GLB1: variants seen among roughly 807,000 people sequenced by gnomAD.
GLB1 encodes beta-galactosidase.
GLB1 carries 56 observed loss-of-function variants against 74.0 expected under a neutral mutation model. The ratio of observed to expected loss-of-function variants is 0.76; its 90% CI spans 0.61 to 0.94. The LOEUF (loss-of-function observed/expected upper bound fraction) is 0.94. Ranked by LOEUF, GLB1 falls within the 40% of genes least tolerant of loss-of-function variation. The pLI is 0.00. For synonymous variants in GLB1, 323 were observed against 323.6 expected (o/e 1.00, Z 0.02); for missense variants, 787 against 845.5 (o/e 0.93, Z 0.86).
At chr3:32,999,331 A>G (rs1696450502) in intron 15 of GLB1, among the ~76,000 whole-genome samples, 1 of 152,152 alleles carries the variant, frequency 6.6e-6, no homozygotes, top group African/African-American at 2.4e-5. Context: ...GTAGCACTTT[A>G]CTTTTGCGGT....
rs201464780 is a variant in GLB1, at chr3:33,065,421, G to GA, written c.552+41dup. On this transcript the variant is annotated intron_variant, in intron 5 of 15. Transcript: ENST00000307363. ...TCATTTATGTAATGTAGATGGATGG[G>GA]AACCCCTCCCCCAATCCATCCATGC... The GA allele has an allele frequency of 7.7e-6, 12 of 1,552,208 alleles. No homozygotes were observed. In the East Asian group the frequency reaches 2.6e-4, roughly 34 times the overall value.
chr3:33,011,097 T>G lies in GLB1; in HGVS notation c.1734+2959A>C, dbSNP rs185393445. ...GTCTTGAACTCCTGGCCTCAGGTGA[T>G]CCACCCGTCTCGGCCTCCCAAAGTG... On this transcript the variant is annotated intron_variant, in intron 15 of 15. Coordinates refer to ENST00000307363, the MANE Select transcript of GLB1 (RefSeq NM_000404.4). Among the ~76,000 whole-genome samples, 3 of 152,264 alleles carry G rather than the reference T, an allele frequency of 2.0e-5. No homozygotes were observed. In the East Asian group the frequency reaches 5.8e-4, roughly 29 times the overall value.
intron 5 of GLB1, among the ~76,000 whole-genome samples, chr3:33,064,177 G>A (rs916043641): frequency 1.3e-5 from 2 of 152,034 alleles, no homozygotes; most frequent in African/African-American, 2.4e-5. Flanking sequence ...GGTGGCTCAC[G>A]CCTGTAATCC....
the GLB1 span, among the ~76,000 whole-genome samples, chr3:32,968,475 T>A: frequency 3.0e-4 from 46 of 152,270 alleles, no homozygotes; most frequent in South Asian, 2.3e-3. Context: ...TCTAAAAGTG[T>A]CCAGCATTTA....
intron 10 of GLB1, among the ~76,000 whole-genome samples, chr3:33,041,848 C>T (rs182772309): frequency 2.7e-4 from 41 of 152,016 alleles, no homozygotes; most frequent in Admixed American, 2.4e-3. Context: ...AGGTACCAGA[C>T]CTTTGTCTCA....
intron 6 of GLB1, among the ~76,000 whole-genome samples, chr3:33,056,529 T>A (rs1411572388): frequency 1.3e-5 from 2 of 152,042 alleles, no homozygotes; most frequent in Non-Finnish European, 2.9e-5. Flanking sequence ...TCTTCCCACC[T>A]CATCCTCCCT....
At position 33,013,636 on chromosome 3, in the gene GLB1, C is replaced by T. The variant is rs537219236; in HGVS notation, c.1734+420G>A. ...AAGCAGACAGCTTATGATAGAAGCC[C>T]CAGGGGTGTGGGGCTGGATGCAGGT... is the stretch of plus-strand genomic sequence containing the variant. On this transcript the variant is annotated intron_variant, in intron 15 of 15. Coordinates refer to ENST00000307363, the MANE Select transcript of GLB1 (RefSeq NM_000404.4). Among the ~76,000 whole-genome samples, 2 of 152,200 alleles carry T rather than the reference C, an allele frequency of 1.3e-5. 1 individual carries two copies. The highest frequency in any genetic ancestry group is 4.2e-4 in the South Asian group (2 of 4,810).
chr3:33,091,294 T>A (rs1700749598), intron 1 of GLB1: 2 of 985,424 alleles, frequency 2.0e-6, no homozygotes, highest in Middle Eastern at 5.2e-4. Context: ...AAGGGTGGTC[T>A]CCAGATCCCC....
intron 1 of GLB1, among the ~76,000 whole-genome samples, chr3:33,085,324 A>G (rs1468087578): frequency 6.6e-6 from 1 of 151,892 alleles, no homozygotes; most frequent in African/African-American, 2.4e-5. Context: ...CATAAAATCA[A>G]ACAAAATTAA....
At chr3:33,087,581 A>ACACG (rs1700565320) in intron 1 of GLB1, among the ~76,000 whole-genome samples, 1 of 12,200 alleles carries the variant, frequency 8.2e-5, no homozygotes, top group Non-Finnish European at 2.0e-4. Context: ...GCATGCGCGC[A>ACACG]CACACACACA....
intron 10 of GLB1, among the ~76,000 whole-genome samples, chr3:33,042,323 T>G (rs970197150): frequency 2.0e-5 from 3 of 150,844 alleles, no homozygotes; most frequent in African/African-American, 7.3e-5. Context: ...CCTGTAATGC[T>G]CCATGTGATC....
intron 15 of GLB1, among the ~76,000 whole-genome samples, chr3:33,010,525 C>G (rs1489589041): frequency 6.6e-6 from 1 of 152,144 alleles, no homozygotes; most frequent in Non-Finnish European, 1.5e-5. Flanking sequence ...TTTACATATT[C>G]TAGATATAAG....
the GLB1 span, among the ~76,000 whole-genome samples, chr3:32,972,757 G>C: frequency 6.6e-6 from 1 of 152,244 alleles, no homozygotes; most frequent in African/African-American, 2.4e-5. Flanking sequence ...AACAGAACAG[G>C]AATTAAGAGA....
At chr3:33,091,010 A>G (rs1700735347) in intron 1 of GLB1, 2 of 985,336 alleles carry the variant, frequency 2.0e-6, no homozygotes, top group African/African-American at 3.5e-5. Context: ...GAAACCAGTG[A>G]AATAACACGT....
chr3:33,007,278 A>G (rs1454131076), intron 15 of GLB1, among the ~76,000 whole-genome samples: 1 of 152,204 alleles, frequency 6.6e-6, no homozygotes, highest in Non-Finnish European at 1.5e-5. Flanking sequence ...TATACTACAG[A>G]GCTGCACAAC....
chr3:32,997,113 G>A lies in GLB1; in HGVS notation c.1966C>T (p.Pro656Ser). 6.2e-7 allele frequency: 1 copy of A among 1,614,084 alleles called. No homozygotes were observed. The highest frequency in any genetic ancestry group is 1.1e-5 in the South Asian group (1 of 91,072). The part of the protein sequence containing the change: ...SSVTYDHPSK[P>S]VEKRLMPPPP... ...GGGGGCATGAGTCTTTTTTCAACAG[G>A]TTTGGAGGGATGATCGTAGGTCACA... Residue 656 changes from proline (P) to serine (S), a missense_variant, in exon 16 of 16, where the codon CCT becomes TCT. By Grantham distance (74) the Pro-to-Ser change is moderately conservative. Coordinates refer to ENST00000307363, the MANE Select transcript of GLB1 (RefSeq NM_000404.4).
intron 1 of GLB1, among the ~76,000 whole-genome samples, chr3:33,079,176 G>A (rs1700234905): frequency 6.6e-6 from 1 of 152,200 alleles, no homozygotes; most frequent in South Asian, 2.1e-4. Context: ...TTAACTCTGG[G>A]AGAGTAGAGG....
the GLB1 span, among the ~76,000 whole-genome samples, chr3:32,991,066 G>A: frequency 4.6e-5 from 7 of 152,196 alleles, no homozygotes; most frequent in Non-Finnish European, 8.8e-5. Flanking sequence ...ATCAGAAATC[G>A]TATCAAAAGA....
chr3:33,070,366 G>A (rs1190032164), intron 2 of GLB1, among the ~76,000 whole-genome samples: 2 of 152,154 alleles, frequency 1.3e-5, no homozygotes, highest in African/African-American at 4.8e-5. Context: ...TATAGAGAAA[G>A]ATATGGTGTA....
Sources: allele counts gnomAD v4.1 joint callset (sites outside exome capture counted in the v4.1 genomes callset), GRCh38; gene constraint gnomAD v4.1.1; transcripts MANE v1.5; gene names NCBI Gene and HGNC (gene_info 2026-07-23, HGNC 2026-07-21).